Variants in DLG2 observed in about 807,000 individuals in gnomAD.
The protein encoded by DLG2 is discs large MAGUK scaffold protein 2.
In DLG2, 45 loss-of-function variants were observed where a neutral mutation model predicts 132.5. The ratio of observed to expected loss-of-function variants is 0.34; its 90% CI spans 0.27 to 0.44. The LOEUF is 0.44. Among genes scored for constraint, DLG2 ranks in the 20% least tolerant of loss-of-function variants. DLG2 has a pLI of 1.00. For synonymous variants in DLG2, 424 were observed against 419.6 expected, an observed-to-expected ratio of 1.01 and a Z score of -0.13; for missense variants, 1,045 against 1,196.9, an observed-to-expected ratio of 0.87 and a Z score of 1.87.
intron 4 of DLG2, among the ~76,000 whole-genome samples, chr11:85,206,431 G>A (rs1299689955): frequency 1.3e-5 from 2 of 152,136 alleles, no homozygotes; most frequent in Admixed American, 6.6e-5. Flanking sequence ...TGACGTTGAG[G>A]AAGTCATTTA....
chr11:85,404,096 G>T (rs1214809736), intron 3 of DLG2, among the ~76,000 whole-genome samples: 2 of 151,962 alleles, frequency 1.3e-5, no homozygotes, highest in African/African-American at 4.8e-5. Flanking sequence ...GAAAAGAGTA[G>T]CTCTGGAGAC....
chr11:84,626,797 C>A (rs2099623162), intron 6 of DLG2, among the ~76,000 whole-genome samples: 1 of 151,878 alleles, frequency 6.6e-6, no homozygotes, highest in Non-Finnish European at 1.5e-5. Flanking sequence ...CTCCTCCACA[C>A]CTGCTATATT....
rs1471417088 is a variant in DLG2 at position 85,551,216 on chromosome 11, A to C, written c.40+47441T>G. 8.6e-3 allele frequency among the ~76,000 whole-genome samples: 1,308 copies of C among 152,300 alleles called. 11 individuals carry two copies. The highest frequency in any genetic ancestry group is 0.03 in the African/African-American group (1,233 of 41,560). On this transcript the variant is annotated intron_variant, in intron 3 of 27. Transcript: ENST00000376104. ...TATATACTGAGTAGATAGTATACAT[A>C]CTTCAAAGGTCAATTTGTATTAGGT...
rs551991806 is a variant in DLG2 at position 85,415,528 on chromosome 11, C to T, written c.41-130163G>A. 1.9e-4 allele frequency among the ~76,000 whole-genome samples: 29 copies of T among 152,198 alleles called. 2 individuals are homozygous for T. In the South Asian group the frequency reaches 6.0e-3, roughly 32 times the overall value. On this transcript the variant is annotated intron_variant, in intron 3 of 27. Transcript: ENST00000376104. ...ACATCCTCTCCAGAATCTGTTGTTTCCTGACTTTTTAATGATCACCATTCT... is the reference window on the plus strand; with the variant it reads ...ACATCCTCTCCAGAATCTGTTGTTTTCTGACTTTTTAATGATCACCATTCT...
At chr11:83,976,215 C>G (rs1340414384) in intron 12 of DLG2, among the ~76,000 whole-genome samples, 1 of 151,840 alleles carries the variant, frequency 6.6e-6, no homozygotes, top group African/African-American at 2.4e-5. Flanking sequence ...AGGAGACTTC[C>G]TGAATTGTGA....
At chr11:84,251,746 T>G (rs891367827) in intron 7 of DLG2, among the ~76,000 whole-genome samples, 2 of 147,974 alleles carry the variant, frequency 1.4e-5, no homozygotes, top group Admixed American at 1.4e-4. Context: ...GTTCAGGCAA[T>G]TCTCCTGCCT....
chr11:83,680,300 T>TA (rs913905132), intron 18 of DLG2, among the ~76,000 whole-genome samples: 3 of 152,150 alleles, frequency 2.0e-5, no homozygotes, highest in African/African-American at 7.2e-5. Flanking sequence ...CGTGTAATTT[T>TA]AAAAAATTTA....
intron 7 of DLG2, among the ~76,000 whole-genome samples, chr11:84,409,104 C>G (rs1347645718): frequency 6.6e-6 from 1 of 152,164 alleles, no homozygotes; most frequent in Non-Finnish European, 1.5e-5. Context: ...TATGTTCTAG[C>G]AATATTGAAT....
At position 85,057,842 on chromosome 11, in the gene DLG2, GA is replaced by G. The variant is rs1179549110; in HGVS notation, c.357+53818del. Among the ~76,000 whole-genome samples, 7 of 150,508 alleles carry G rather than the reference GA, an allele frequency of 4.7e-5. No individual in the cohort carries two copies. The East Asian group carries it at 1.4e-3, about 29-fold the overall frequency. On this transcript the variant is annotated intron_variant, in intron 6 of 27. Transcript: ENST00000376104. ...ATTCACCACATTAAGAGACAAAAAG[GA>G]AAAAAAATATGGTAATTTTAATAGA...
chr11:83,745,322 T>C (rs760488826), intron 18 of DLG2, among the ~76,000 whole-genome samples: 4 of 152,224 alleles, frequency 2.6e-5, no homozygotes, highest in African/African-American at 4.8e-5. Context: ...ACTAAATTTA[T>C]AAAATTGCAT....
chr11:84,880,141 C>T (rs1950280297), intron 6 of DLG2, among the ~76,000 whole-genome samples: 3 of 152,098 alleles, frequency 2.0e-5, no homozygotes, highest in African/African-American at 2.4e-5. Context: ...AGCATCTCAC[C>T]AGACAGAGAG....
At chr11:85,031,729 T>C (rs1169903130) in intron 6 of DLG2, among the ~76,000 whole-genome samples, 1 of 152,122 alleles carries the variant, frequency 6.6e-6, no homozygotes, top group Non-Finnish European at 1.5e-5. Flanking sequence ...AATGTAGAAT[T>C]GGAGTCTCTG....
chr11:83,660,061 C>A (rs556562508), intron 18 of DLG2, among the ~76,000 whole-genome samples: 1 of 151,966 alleles, frequency 6.6e-6, no homozygotes, highest in Admixed American at 6.5e-5. Flanking sequence ...GACTAAGATA[C>A]GAAAAGATTG....
At chr11:84,224,736 G>A (rs992707128) in intron 8 of DLG2, among the ~76,000 whole-genome samples, 1 of 152,096 alleles carries the variant, frequency 6.6e-6, no homozygotes, top group Non-Finnish European at 1.5e-5. Flanking sequence ...TATACCATGC[G>A]CTCTACTGCT....
At chr11:85,183,062 G>A (rs1357387843) in intron 4 of DLG2, among the ~76,000 whole-genome samples, 1 of 151,688 alleles carries the variant, frequency 6.6e-6, no homozygotes, top group Non-Finnish European at 1.5e-5. Context: ...TCATTCTGGA[G>A]GCAAAACATT....
At chr11:85,020,246 T>C (rs1395411913) in intron 6 of DLG2, among the ~76,000 whole-genome samples, 2 of 152,216 alleles carry the variant, frequency 1.3e-5, no homozygotes, top group Admixed American at 6.5e-5. Flanking sequence ...TCATGTGTTG[T>C]TGGCTGCATA....
chr11:85,342,800 G>A (rs545752351), intron 3 of DLG2, among the ~76,000 whole-genome samples: 331 of 152,204 alleles, frequency 2.2e-3, no homozygotes, highest in Middle Eastern at 3.4e-3. Flanking sequence ...TTTCAGCTCC[G>A]TTATAATATT....
intron 3 of DLG2, among the ~76,000 whole-genome samples, chr11:85,389,319 T>C (rs777411407): frequency 8.4e-4 from 127 of 152,086 alleles, no homozygotes; most frequent in Non-Finnish European, 1.7e-3. Flanking sequence ...GAAAAAATAA[T>C]TTTTTAAAAA....
intron 6 of DLG2, among the ~76,000 whole-genome samples, chr11:84,980,928 T>G (rs972796534): frequency 4.6e-5 from 7 of 152,182 alleles, no homozygotes; most frequent in African/African-American, 1.4e-4. Flanking sequence ...TTCCCAGAGC[T>G]GGTTATATTG....
Sources: gnomAD v4.1 joint callset for allele counts (sites outside exome capture counted in the v4.1 genomes callset) on GRCh38, gnomAD v4.1.1 for gene constraint, MANE v1.5 for transcripts, NCBI Gene and HGNC (gene_info 2026-07-23, HGNC 2026-07-21) for gene names.